The following FANCC variants were observed in gnomAD, a reference collection of about 807,000 sequenced individuals.
FANCC encodes the protein FA complementation group C, also known as Fanconi anemia group C protein.
A neutral mutation model predicts 71.3 loss-of-function variants in FANCC; 55 were observed. That is an observed-to-expected ratio of 0.77 (90% CI 0.62 to 0.97). The LOEUF (loss-of-function observed/expected upper bound fraction) is 0.97, where lower values mean the gene tolerates loss of function less well. Ranked by LOEUF, FANCC falls within the 50% of genes least tolerant of loss-of-function variation. The pLI, the probability that FANCC is intolerant of heterozygous loss-of-function variation, is 0.00. For missense variants in FANCC, 678 were observed against 670.9 expected (o/e 1.01, Z -0.12); for synonymous variants, 275 against 244.9 (o/e 1.12, Z -1.15).
intron 1 of FANCC, among the ~76,000 whole-genome samples, chr9:95,255,339 G>C (rs1358817958): frequency 3.3e-5 from 5 of 152,122 alleles, no homozygotes; most frequent in African/African-American, 1.2e-4. Context: ...GCCCCTCTGA[G>C]ACGAAGCTTC....
chr9:95,100,053 T>A lies in FANCC; in HGVS notation c.*1654A>T, dbSNP rs2071025044. The A allele has an allele frequency of 4.3e-6, 1 of 232,098 alleles. No individual in the cohort carries two copies. The highest frequency in any genetic ancestry group is 8.5e-6 in the Non-Finnish European group (1 of 117,294). 14.4% of individuals were successfully genotyped at this position (232,098 alleles called of 1,614,324 possible). A position where few individuals can be genotyped will look rare whatever the true frequency, so the allele number is the denominator to read the frequency against. On this transcript the variant is annotated 3_prime_UTR_variant, in exon 15 of 15. Transcript: ENST00000289081. The stretch of plus-strand genomic sequence containing the variant: ...ACCATGTCCACAGAGGAGTCACAGC[T>A]TCCATGGCCCAGCCACAAGTTCTGG...
chr9:95,174,577 C>G (rs1409384238), intron 4 of FANCC, among the ~76,000 whole-genome samples: 1 of 151,876 alleles, frequency 6.6e-6, no homozygotes. Flanking sequence ...AGTACAATTT[C>G]CTAGCCTTCC....
chr9:95,109,594 C>T (rs2071746312), intron 13 of FANCC: 4 of 152,156 alleles, frequency 2.6e-5, no homozygotes, highest in Admixed American at 2.6e-4. Flanking sequence ...GGGTGGCTTG[C>T]CCATGAGTGG....
chr9:95,291,396 A>G (rs1254398293), intron 1 of FANCC, among the ~76,000 whole-genome samples: 2 of 152,200 alleles, frequency 1.3e-5, no homozygotes, highest in Non-Finnish European at 2.9e-5. Context: ...AAAATCAACA[A>G]ACAAAAATCA....
At chr9:95,282,470 G>A (rs963950426) in intron 1 of FANCC, among the ~76,000 whole-genome samples, 1 of 152,074 alleles carries the variant, frequency 6.6e-6, no homozygotes, top group Non-Finnish European at 1.5e-5. Flanking sequence ...CAGATAGATT[G>A]TAACACAATA....
chr9:95,106,113 G>GC (rs1182349047), intron 14 of FANCC, among the ~76,000 whole-genome samples: 3 of 152,062 alleles, frequency 2.0e-5, no homozygotes, highest in Non-Finnish European at 2.9e-5. Context: ...CGGTTCCCAC[G>GC]CATCCTCACG....
intron 14 of FANCC, among the ~76,000 whole-genome samples, chr9:95,103,430 T>C (rs574887852): frequency 6.6e-6 from 1 of 152,264 alleles, no homozygotes; most frequent in African/African-American, 2.4e-5. Context: ...TCTAGCTAAC[T>C]TTTGCTGTTG....
At chr9:95,267,950 A>G (rs1832485308) in intron 1 of FANCC, among the ~76,000 whole-genome samples, 1 of 152,182 alleles carries the variant, frequency 6.6e-6, no homozygotes, top group East Asian at 1.9e-4. Flanking sequence ...ACTGCACATC[A>G]CTGGATCTGC....
chr9:95,292,568 G>A, intron 1 of FANCC: 1 of 1,481,196 alleles, frequency 6.8e-7, no homozygotes, highest in Admixed American at 1.7e-5. Context: ...AGCTGTCCCA[G>A]ACCACATGGC....
chr9:95,199,159 G>A (rs1031224655), intron 4 of FANCC, among the ~76,000 whole-genome samples: 5 of 152,144 alleles, frequency 3.3e-5, no homozygotes, highest in African/African-American at 7.2e-5. Context: ...ATCTGAATGG[G>A]TTTAGACCTT....
At chr9:95,111,308 A>G (rs1377294742) in intron 13 of FANCC, 155 bp downstream of exon 13, 1 of 1,589,938 alleles carries the variant, frequency 6.3e-7, no homozygotes, top group Non-Finnish European at 8.5e-7. Flanking sequence ...ACAAGGCTGG[A>G]GATCACCATG....
chr9:95,164,743 C>T (rs1377121090), intron 6 of FANCC, among the ~76,000 whole-genome samples: 1 of 152,096 alleles, frequency 6.6e-6, no homozygotes, highest in Non-Finnish European at 1.5e-5. Flanking sequence ...GGATATTAAT[C>T]TGTTTTCATG....
chr9:95,302,875 T>C (rs1834836071), intron 1 of FANCC, among the ~76,000 whole-genome samples: 1 of 152,262 alleles, frequency 6.6e-6, no homozygotes, highest in Non-Finnish European at 1.5e-5. Flanking sequence ...GACGCAGTTA[T>C]AGACTCAGTA....
chr9:95,171,491 C>T (rs141423723), intron 5 of FANCC, among the ~76,000 whole-genome samples: 2 of 150,942 alleles, frequency 1.3e-5, no homozygotes, highest in Admixed American at 1.3e-4. Flanking sequence ...TTGTACAAAG[C>T]TTCCAAAACA....
Position 95,252,162 on chromosome 9 carries a change from C to T in FANCC, c.-78-2793G>A, listed in dbSNP as rs1831368444. 2.0e-5 allele frequency among the ~76,000 whole-genome samples: 3 copies of T among 150,790 alleles called. No homozygotes were observed. The South Asian group carries it at 6.3e-4, about 32-fold the overall frequency. ...GGCGTAGTGGCAGGAGCCTGTAATC[C>T]CAGCTACTTGGGAGGCAGAGGCAGG... is the stretch of plus-strand genomic sequence containing the variant. On this transcript the variant is annotated intron_variant, in intron 1 of 14. Coordinates refer to ENST00000289081, the MANE Select transcript of FANCC (RefSeq NM_000136.3).
intron 10 of FANCC, among the ~76,000 whole-genome samples, chr9:95,118,856 A>T (rs1403737169): frequency 6.6e-6 from 1 of 152,210 alleles, no homozygotes; most frequent in East Asian, 1.9e-4. Context: ...TGGGGCTGTC[A>T]TGAATAAAGC....
intron 4 of FANCC, among the ~76,000 whole-genome samples, chr9:95,179,918 T>A (rs987175487): frequency 2.0e-5 from 3 of 152,180 alleles, no homozygotes; most frequent in Admixed American, 6.5e-5. Context: ...AAAGACAAAG[T>A]TTATCCATAA....
chr9:95,130,689 T>C (rs533785164), intron 8 of FANCC, among the ~76,000 whole-genome samples: 2 of 152,348 alleles, frequency 1.3e-5, no homozygotes, highest in South Asian at 4.1e-4. Context: ...CGTCCCACCG[T>C]GTAGCTGTTT....
At chr9:95,171,955 C>A in intron 5 of FANCC, 82 bp downstream of exon 5, 1 of 881,424 alleles carries the variant, frequency 1.1e-6, no homozygotes, top group East Asian at 2.6e-5. Context: ...TTCTGGAGGA[C>A]TGAAATATTT....
Sources: gnomAD v4.1 joint callset for allele counts (sites outside exome capture counted in the v4.1 genomes callset) on GRCh38, gnomAD v4.1.1 for gene constraint, MANE v1.5 for transcripts, NCBI Gene and HGNC (gene_info 2026-07-23, HGNC 2026-07-21) for gene names.